Variants in PLCXD1 observed in about 807,000 individuals in gnomAD.
PLCXD1 encodes phosphatidylinositol specific phospholipase C X domain containing 1.
PLCXD1 carries 45 observed loss-of-function variants against 37.8 expected under a neutral mutation model. The observed-to-expected ratio is 1.19, with a 90% CI of 0.94 to 1.53. The LOEUF is 1.53. Ranked by LOEUF, PLCXD1 falls within the 40% of genes most tolerant of loss-of-function variation. The pLI is 0.00. For missense variants in PLCXD1, 539 were observed against 454.7 expected, an observed-to-expected ratio of 1.19 and a Z score of -1.69; for synonymous variants, 246 against 206.9, an observed-to-expected ratio of 1.19 and a Z score of -1.62.
intron 6 of PLCXD1, among the ~76,000 whole-genome samples, chrX:296,029 C>T (rs1408696245): frequency 2.6e-5 from 4 of 152,002 alleles, no homozygotes; most frequent in Non-Finnish European, 5.9e-5. Context: ...TCAGGCTGGT[C>T]TCGAACTCCC....
chrX:299,338 G>T lies in PLCXD1; in HGVS notation c.*3G>T, dbSNP rs2069926791. 6.2e-7 allele frequency: 1 copy of T among 1,604,470 alleles called. No homozygotes were observed. The highest frequency in any genetic ancestry group is 1.7e-5 in the Admixed American group (1 of 59,956). ...ATCAGAAGCTGCTGTGGTGCTGACG[G>T]GACCCTTCTGAAGTTCGGGACGCGG... On this transcript the variant is annotated 3_prime_UTR_variant, in exon 7 of 7. Transcript: ENST00000381657.
intron 2 of PLCXD1, among the ~76,000 whole-genome samples, chrX:284,609 C>T (rs1602845774): frequency 2.9e-5 from 1 of 34,522 alleles, no homozygotes; most frequent in African/African-American, 5.7e-5. Flanking sequence ...CGCACACACG[C>T]ACACATGCAC....
intron 2 of PLCXD1, among the ~76,000 whole-genome samples, chrX:285,882 G>A (rs2069439203): frequency 6.6e-6 from 1 of 152,302 alleles, no homozygotes; most frequent in African/African-American, 2.4e-5. Flanking sequence ...GCCTTAGGAA[G>A]TGGCTGTGGA....
At chrX:292,332 G>A (rs75497675) in intron 5 of PLCXD1, among the ~76,000 whole-genome samples, 3 of 151,952 alleles carry the variant, frequency 2.0e-5, no homozygotes, top group African/African-American at 4.8e-5. Flanking sequence ...GGTGGCGGGC[G>A]CCTGTAGTCC....
chrX:281,294 C>T (rs1462306145), upstream of PLCXD1: 5 of 175,462 alleles, frequency 2.8e-5, no homozygotes, highest in African/African-American at 7.3e-5. Context: ...GCTGAGCTGA[C>T]ATCCCCCGGG....
intron 6 of PLCXD1, among the ~76,000 whole-genome samples, chrX:294,586 C>T (rs1300803744): frequency 5.9e-5 from 9 of 151,336 alleles, no homozygotes; most frequent in Admixed American, 4.6e-4. Flanking sequence ...TCCATGGTCG[C>T]GCCACTGCAC....
rs972008949 is a variant in PLCXD1 at position 293,079 on chromosome X, C to T, written c.594C>T (p.Val198=). 6.2e-6 allele frequency: 10 copies of T among 1,611,446 alleles called. No homozygotes were observed. The Admixed American group carries it at 1.0e-4, about 16-fold the overall frequency. The change falls in exon 6 of 7, where the codon GTC becomes GTT. Residue 198 remains valine (V), a synonymous_variant. Transcript: ENST00000381657. Reference sequence around the variant, plus strand: ...AGCTGTGGTCCCGGGGCCAACAGGTCATCGTCTCCTATGAAGACGAGAGCT... The same window carrying T: ...AGCTGTGGTCCCGGGGCCAACAGGTTATCGTCTCCTATGAAGACGAGAGCT... ...LRQLWSRGQQ[V]IVSYEDESSL...
chrX:285,107 T>TACAC (rs766265398), intron 2 of PLCXD1, among the ~76,000 whole-genome samples: 1 of 134,636 alleles, frequency 7.4e-6, no homozygotes, highest in African/African-American at 2.9e-5. Flanking sequence ...GACACATACA[T>TACAC]ACACACACAC....
chrX:278,051 C>T (rs28677007), upstream of PLCXD1, among the ~76,000 whole-genome samples: 8 of 55,182 alleles, frequency 1.4e-4, no homozygotes, highest in South Asian at 1.3e-3. Flanking sequence ...GGGATAGGAG[C>T]GGACACCCCT....
rs897431860 is a variant in PLCXD1 at position 295,405 on chromosome X, G to A, written c.733+2187G>A. Among the ~76,000 whole-genome samples the A allele has an allele frequency of 2.3e-4, 35 of 152,044 alleles. 1 individual carries two copies. The highest frequency in any genetic ancestry group is 6.6e-4 in the Admixed American group (10 of 15,258). On this transcript the variant is annotated intron_variant, in intron 6 of 6. Transcript: ENST00000381657. Reference sequence around the variant, plus strand: ...TTCTCTCAAGGTGATCTTCACGGCCGCGAGGGCTGCTTCCCACAGGGGCAG... The same window carrying A: ...TTCTCTCAAGGTGATCTTCACGGCCACGAGGGCTGCTTCCCACAGGGGCAG...
chrX:284,130 A>G, intron 1 of PLCXD1, 37 bp from the exon 2 acceptor site: 1 of 1,577,842 alleles, frequency 6.3e-7, no homozygotes, highest in Non-Finnish European at 8.7e-7. Flanking sequence ...ACCTGAAGTC[A>G]CCGTAAAAAA....
intron 6 of PLCXD1, among the ~76,000 whole-genome samples, chrX:294,193 C>T (rs1004998076): frequency 5.3e-5 from 8 of 152,174 alleles, no homozygotes; most frequent in African/African-American, 1.7e-4. Context: ...CAAAAATTAG[C>T]GGGCACAGGC....
chrX:297,830 C>G (rs866031771), intron 6 of PLCXD1, among the ~76,000 whole-genome samples: 1 of 33,400 alleles, frequency 3.0e-5, no homozygotes, highest in Non-Finnish European at 4.5e-5. Flanking sequence ...GGGATTAGGA[C>G]GTGGACATCT....
intron 3 of PLCXD1, among the ~76,000 whole-genome samples, chrX:289,516 CT>C (rs759211019): frequency 1.3e-4 from 17 of 135,254 alleles, no homozygotes; most frequent in Admixed American, 2.3e-4. Flanking sequence ...CTTTCTTTTT[CT>C]TTTTTTTTTT....
chrX:282,618 T>TGG (rs1461928888), intron 1 of PLCXD1, among the ~76,000 whole-genome samples: 15 of 150,854 alleles, frequency 9.9e-5, no homozygotes, highest in Non-Finnish European at 1.5e-5. Context: ...GGCAGGAGAA[T>TGG]TGCTTGAACC....
upstream of PLCXD1, among the ~76,000 whole-genome samples, chrX:279,501 G>C (rs2069217504): frequency 6.6e-6 from 1 of 152,192 alleles, no homozygotes; most frequent in Admixed American, 6.5e-5. Context: ...GCCGGGCACG[G>C]TGGCTCACGC....
intron 2 of PLCXD1, among the ~76,000 whole-genome samples, chrX:287,283 A>G (rs2069475987): frequency 2.1e-5 from 3 of 146,212 alleles, no homozygotes; most frequent in East Asian, 3.9e-4. Flanking sequence ...TATATCATAT[A>G]TTTATATAAA....
chrX:285,939 A>G (rs1027862734), intron 2 of PLCXD1, among the ~76,000 whole-genome samples: 3 of 151,960 alleles, frequency 2.0e-5, no homozygotes, highest in Non-Finnish European at 4.4e-5. Flanking sequence ...ACATCAGGAG[A>G]GGGGGTGATG....
At chrX:276,594 G>A (rs2069161868), upstream of PLCXD1, among the ~76,000 whole-genome samples, 2 of 152,130 alleles carry the variant, frequency 1.3e-5, no homozygotes, top group Non-Finnish European at 2.9e-5. Flanking sequence ...TGGCCTGGAC[G>A]TTGGCAGCCA....
Sources: allele counts gnomAD v4.1 joint callset (sites outside exome capture counted in the v4.1 genomes callset), GRCh38; gene constraint gnomAD v4.1.1; transcripts MANE v1.5; gene names NCBI Gene and HGNC (gene_info 2026-07-23, HGNC 2026-07-21).